ARID5A: variants seen among roughly 807,000 people sequenced by gnomAD.
ARID5A encodes the protein AT-rich interaction domain 5A.
Under a neutral mutation model 30.5 loss-of-function variants are expected in ARID5A, and 14 were observed. The ratio of observed to expected loss-of-function variants is 0.46; its 90% confidence interval spans 0.30 to 0.72. ARID5A has a LOEUF of 0.72. ARID5A is among the 30% of genes least tolerant of loss of function. ARID5A has a pLI of 0.07. For synonymous variants in ARID5A, 338 were observed against 340.4 expected (o/e 0.99, Z 0.08); for missense variants, 669 against 786.2 (o/e 0.85, Z 1.78).
intron 1 of ARID5A, among the ~76,000 whole-genome samples, chr2:96,543,297 C>T (rs1039624372): frequency 4.6e-5 from 7 of 152,272 alleles, no homozygotes; most frequent in Non-Finnish European, 7.4e-5. Flanking sequence ...GGAATTCCTC[C>T]GGGACTGAGG....
At chr2:96,543,585 C>A in intron 1 of ARID5A, among the ~76,000 whole-genome samples, 1 of 152,030 alleles carries the variant, frequency 6.6e-6, no homozygotes, top group East Asian at 1.9e-4. Flanking sequence ...CCATGAACCC[C>A]ACCCACAAAG....
intron 1 of ARID5A, 54 bp downstream of exon 1, chr2:96,536,884 G>A: frequency 8.2e-7 from 1 of 1,225,110 alleles, no homozygotes; most frequent in Non-Finnish European, 1.0e-6. Flanking sequence ...CTGCAGGGAG[G>A]TTCAAGGTGC....
chr2:96,550,361 G>A lies in ARID5A; in HGVS notation c.410+76G>A. Reference sequence around the variant, plus strand: ...TGGCCGACCTTGCCGGGAGGGCCGGGTGGACTCTGCCCGGAGCGGGCAGGG... The same window carrying A: ...TGGCCGACCTTGCCGGGAGGGCCGGATGGACTCTGCCCGGAGCGGGCAGGG... On this transcript the variant is annotated intron_variant, in intron 5 of 6. Transcript: ENST00000357485. This position sits in a 1 kb window ranked among gnomAD's most constrained non-coding sequence, Gnocchi z 6.6. 1 of 1,425,224 alleles carries A rather than the reference G, an allele frequency of 7.0e-7. No homozygotes were observed. Among genetic ancestry groups the A allele is most frequent in the Non-Finnish European group, 9.1e-7 (1 of 1,096,588 alleles). 88.3% of individuals were successfully genotyped at this position (1,425,224 alleles called of 1,614,324 possible).
chr2:96,552,521 C>T lies in ARID5A; in HGVS notation c.*208C>T, dbSNP rs2066075397. The T allele has an allele frequency of 6.5e-6, 10 of 1,533,272 alleles. No homozygotes were observed. The highest frequency in any genetic ancestry group is 7.0e-6 in the Non-Finnish European group (8 of 1,145,506). 95.0% of individuals were successfully genotyped at this position (1,533,272 alleles called of 1,614,324 possible). A position where few individuals can be genotyped will look rare whatever the true frequency, so the allele number is the denominator to read the frequency against. ...AGCCTGAGCCCAGGAGCAGAGGACC[C>T]AGTTGTTATAAGGCGCTGGGAGAGG... On this transcript the variant is annotated 3_prime_UTR_variant, in exon 7 of 7. Transcript: ENST00000357485.
In ARID5A at chr2:96,549,629, T is replaced by C. The variant is rs981149846; in HGVS notation, c.260-124T>C. On this transcript the variant is annotated intron_variant, in intron 3 of 6. Transcript: ENST00000357485. The surrounding 1 kb of genome is among the most constrained non-coding windows in gnomAD (Gnocchi z 6.1). ...GCACAGGGCACAGCCTGCCCGTCTA[T>C]TGCAGTGGCCCTGGCTGGGTGTGTG... 1.3e-6 allele frequency: 2 copies of C among 1,518,840 alleles called. No homozygotes were observed. Among genetic ancestry groups the C allele is most frequent in the African/African-American group, 2.7e-5 (2 of 73,012 alleles). 94.1% of individuals were successfully genotyped at this position (1,518,840 alleles called of 1,614,324 possible).
intron 1 of ARID5A, among the ~76,000 whole-genome samples, chr2:96,538,728 C>T (rs1164618949): frequency 6.6e-6 from 1 of 152,238 alleles, no homozygotes; most frequent in Non-Finnish European, 1.5e-5. Flanking sequence ...AGCCAACAAC[C>T]TCAGCCGAGG....
In ARID5A at chr2:96,551,408, C is replaced by A. The variant is rs746111030; in HGVS notation, c.880C>A (p.Leu294Ile). Residue 294 changes from leucine to isoleucine, a missense_variant, in exon 7 of 7, where the codon CTC (leucine) becomes ATC (isoleucine). By Grantham distance (5) the Leu-to-Ile change is conservative. Transcript: ENST00000357485. ...GCCCCAGGCGTCCCCAGCTGTTCAC[C>A]TCCCAGAGAGTCCCCAGAGCCCCAA... Reference protein sequence around the residue: ...AEPQASPAVHLPESPQSPKGL... With the variant: ...AEPQASPAVHIPESPQSPKGL... 1 of 1,606,236 alleles carries A rather than the reference C, an allele frequency of 6.2e-7. No individual in the cohort carries two copies. Among genetic ancestry groups the A allele is most frequent in the Non-Finnish European group, 8.5e-7 (1 of 1,177,094 alleles).
chr2:96,547,704 G>A (rs941220215), intron 2 of ARID5A, among the ~76,000 whole-genome samples, 187 bp downstream of exon 2: 15 of 152,278 alleles, frequency 9.9e-5, no homozygotes, highest in African/African-American at 3.4e-4. Flanking sequence ...CTTGGTTTTT[G>A]TAGCAGAACC....
intron 1 of ARID5A, among the ~76,000 whole-genome samples, chr2:96,538,821 C>A (rs577153663): frequency 4.9e-4 from 75 of 152,272 alleles, no homozygotes; most frequent in African/African-American, 1.7e-3. Context: ...CAGTCGGTGA[C>A]TTTTCATGAA....
In ARID5A at chr2:96,547,435, C is replaced by T. The variant is rs1236832063; in HGVS notation, c.38C>T (p.Thr13Met). The change falls in exon 2 of 7, where the codon ACG becomes ATG. Residue 13 changes from threonine (T) to methionine (M), a missense_variant. Thr to Met is a moderately conservative substitution (Grantham distance 81). Coordinates refer to ENST00000357485, the MANE Select transcript of ARID5A (RefSeq NM_212481.3). ...GTCAAAGGGAACAGGAAGCAGTCCA[C>T]GGAGGGTGACGCCCTAGACCCACCT... is the stretch of plus-strand genomic sequence containing the variant. ...APVKGNRKQS[T>M]EGDALDPPAS... 5.6e-6 allele frequency: 9 copies of T among 1,614,000 alleles called. No individual in the cohort carries two copies. The highest frequency in any genetic ancestry group is 2.2e-5 in the South Asian group (2 of 91,084).
Position 96,549,422 on chromosome 2 carries a change from G to A in ARID5A, c.222G>A (p.Thr74=), listed in dbSNP as rs376714414. 5.8e-5 allele frequency: 93 copies of A among 1,613,864 alleles called. 1 individual carries two copies. Among genetic ancestry groups the A allele is most frequent in the Middle Eastern group, 3.3e-4 (2 of 6,006 alleles). Reference sequence around the variant, plus strand: ...ACAAGTTCATGAAGGAGCGACACACGCCCATCGAGAGGGTGCCCCATCTCG... The same window carrying A: ...ACAAGTTCATGAAGGAGCGACACACACCCATCGAGAGGGTGCCCCATCTCG... ...SLYKFMKERH[T]PIERVPHLGF... is the part of the protein sequence containing the mutation. Residue 74 remains threonine, a synonymous_variant, in exon 3 of 7, where the codon ACG becomes ACA. Coordinates refer to ENST00000357485, the MANE Select transcript of ARID5A (RefSeq NM_212481.3). This position sits in a 1 kb window ranked among gnomAD's most constrained non-coding sequence, Gnocchi z 6.1.
chr2:96,547,532 T>C lies in ARID5A; in HGVS notation c.120+15T>C, dbSNP rs773194577. 1.7e-5 allele frequency: 28 copies of C among 1,611,260 alleles called. No individual in the cohort carries two copies. The East Asian group carries it at 6.2e-4, about 36-fold the overall frequency. On this transcript the variant is annotated intron_variant, in intron 2 of 6. Transcript: ENST00000357485. Reference sequence around the variant, plus strand: ...TCTCGCTGGAGGTGAGTTGACTCCCTCTGCTGACTCCCTGGGCACTCTTCC... The same window carrying C: ...TCTCGCTGGAGGTGAGTTGACTCCCCCTGCTGACTCCCTGGGCACTCTTCC...
chr2:96,549,670 C>A lies in ARID5A; in HGVS notation c.260-83C>A. The A allele has an allele frequency of 6.3e-7, 1 of 1,594,442 alleles. No homozygotes were observed. Among genetic ancestry groups the A allele is most frequent in the Non-Finnish European group, 8.6e-7 (1 of 1,163,044 alleles). ...TGGGTGTGTGCTGGTCTGTGCCTGG[C>A]CTGTCAGGGCACCAGGAAGGGGTGG... On this transcript the variant is annotated intron_variant, in intron 3 of 6. Coordinates refer to ENST00000357485, the MANE Select transcript of ARID5A (RefSeq NM_212481.3). This position sits in a 1 kb window ranked among gnomAD's most constrained non-coding sequence, Gnocchi z 6.1.
Position 96,551,930 on chromosome 2 carries a change from G to C in ARID5A, c.1402G>C (p.Glu468Gln). Residue 468 changes from glutamate to glutamine, a missense_variant, in exon 7 of 7, where the codon GAG becomes CAG. Around this residue, in one of 4 missense-constraint regions of ARID5A, gnomAD observed 548 missense variants for 577.4 expected, o/e 0.95. Transcript: ENST00000357485. ...GCGGGCCGTGTCTCCCTTTCTTAAG[G>C]AGGCGGATGCCAAGAAGTGTGGGGC... is the stretch of plus-strand genomic sequence containing the variant. ...RLRAVSPFLK[E>Q]ADAKKCGAKP... is the part of the protein sequence containing the mutation. 6.6e-7 allele frequency: 1 copy of C among 1,524,132 alleles called. No homozygotes were observed. Among genetic ancestry groups the C allele is most frequent in the Non-Finnish European group, 8.8e-7 (1 of 1,136,576 alleles). The allele number at this position is 1,524,132 out of a possible 1,614,324, so 94.4% of individuals were successfully genotyped here. A position where few individuals can be genotyped will look rare whatever the true frequency, so the allele number is the denominator to read the frequency against.
chr2:96,549,854 G>A lies in ARID5A; in HGVS notation c.312+49G>A, dbSNP rs567973617. 1.4e-5 allele frequency: 23 copies of A among 1,592,936 alleles called. No homozygotes were observed. In the Middle Eastern group the frequency reaches 5.0e-4, roughly 35 times the overall value. On this transcript the variant is annotated intron_variant, in intron 4 of 6. Coordinates refer to ENST00000357485, the MANE Select transcript of ARID5A (RefSeq NM_212481.3). This position sits in a 1 kb window ranked among gnomAD's most constrained non-coding sequence, Gnocchi z 6.1. ...TTGCCAAACTGCATATCCCTGGGGT[G>A]AGCCTGCAGCGCTGTCCTTGCCTCT...
Position 96,551,902 on chromosome 2 carries a change from A to G in ARID5A, c.1374A>G (p.Arg458=), listed in dbSNP as rs772273506. The change falls in exon 7 of 7, where the codon AGA becomes AGG. Residue 458 remains arginine (R), a synonymous_variant. Transcript: ENST00000357485. ...AGGGTGCTGCCCACAGTGGGAAGAG[A>G]CTGCGGGCCGTGTCTCCCTTTCTTA... ...EEEGAAHSGK[R]LRAVSPFLKE... 6.5e-7 allele frequency: 1 copy of G among 1,542,078 alleles called. No homozygotes were observed. Among genetic ancestry groups the G allele is most frequent in the Non-Finnish European group, 8.7e-7 (1 of 1,146,916 alleles).
At position 96,537,143 on chromosome 2, in the gene ARID5A, C is replaced by T. The variant is rs1252707016; in HGVS notation, c.4+313C>T. Among the ~76,000 whole-genome samples, 1 of 152,226 alleles carries T rather than the reference C, an allele frequency of 6.6e-6. No individual in the cohort carries two copies. The highest frequency in any genetic ancestry group is 1.5e-5 in the Non-Finnish European group (1 of 68,038). ...CGAAACTCTTTTCGCCGTCTCTTGCCTGAAATATGCCGAGCCCGGTACGGC... is the reference window on the plus strand; with the variant it reads ...CGAAACTCTTTTCGCCGTCTCTTGCTTGAAATATGCCGAGCCCGGTACGGC... On this transcript the variant is annotated intron_variant, in intron 1 of 6. Transcript: ENST00000357485. This position sits in a 1 kb window ranked among gnomAD's most constrained non-coding sequence, Gnocchi z 4.8.
rs184051155 is a variant in ARID5A at position 96,540,004 on chromosome 2, C to T, written c.4+3174C>T. Among the ~76,000 whole-genome samples the T allele has an allele frequency of 1.5e-3, 232 of 152,336 alleles. 3 individuals carry two copies. The highest frequency in any genetic ancestry group is 6.8e-3 in the Middle Eastern group (2 of 294). On this transcript the variant is annotated intron_variant, in intron 1 of 6. Coordinates refer to ENST00000357485, the MANE Select transcript of ARID5A (RefSeq NM_212481.3). ...AGACTACCCTGGTTCTGAATCCCAG[C>T]TCTGCCATGGATAAGCTCTGTGGCC...
Position 96,551,608 on chromosome 2 carries a change from G to A in ARID5A, c.1080G>A (p.Arg360=), listed in dbSNP as rs1337382656. 1 of 1,558,548 alleles carries A rather than the reference G, an allele frequency of 6.4e-7. No homozygotes were observed. The highest frequency in any genetic ancestry group is 8.6e-7 in the Non-Finnish European group (1 of 1,157,388). ...TGAAGCCTGTCAGCCAGCACCCCAG[G>A]GACTTCTTCTCTAGACTTAAAGATG... The part of the protein sequence containing the change: ...EVLKPVSQHP[R]DFFSRLKDGV... Residue 360 remains arginine (R), a synonymous_variant, in exon 7 of 7, where the codon AGG becomes AGA. Coordinates refer to ENST00000357485, the MANE Select transcript of ARID5A (RefSeq NM_212481.3).
Sources: allele counts gnomAD v4.1 joint callset (sites outside exome capture counted in the v4.1 genomes callset), GRCh38; gene constraint gnomAD v4.1.1; regional missense constraint gnomAD v4.1.1; non-coding constraint Gnocchi (gnomAD v3.1); transcripts MANE v1.5; gene names NCBI Gene and HGNC (gene_info 2026-07-23, HGNC 2026-07-21).